PIGL: variants seen among roughly 807,000 people sequenced by gnomAD.
The protein encoded by PIGL is phosphatidylinositol glycan anchor biosynthesis class L.
Under a neutral mutation model 31.1 loss-of-function variants are expected in PIGL, and 22 were observed. The ratio of observed to expected loss-of-function variants is 0.71; its 90% confidence interval spans 0.51 to 1.01. The LOEUF (loss-of-function observed/expected upper bound fraction) is 1.01, where lower values mean the gene tolerates loss of function less well. Ranked by LOEUF, PIGL falls within the 50% of genes least tolerant of loss-of-function variation. The probability of loss-of-function intolerance (pLI) is 0.00; values close to 1 mark genes in which losing one functional copy is unlikely to be tolerated. For synonymous variants in PIGL, 131 were observed against 117.4 expected (o/e 1.12, Z -0.75); for missense variants, 302 against 315.9 (o/e 0.96, Z 0.33).
intron 2 of PIGL, among the ~76,000 whole-genome samples, chr17:16,287,515 A>G (rs2142808698): frequency 6.6e-6 from 1 of 152,322 alleles, no homozygotes; most frequent in East Asian, 1.9e-4. Flanking sequence ...TTCCTAGGGG[A>G]GCTGAGACTC....
chr17:16,287,831 G>A (rs976799307), intron 2 of PIGL, among the ~76,000 whole-genome samples: 1 of 152,130 alleles, frequency 6.6e-6, no homozygotes, highest in Non-Finnish European at 1.5e-5. Context: ...TTGCTCCCTG[G>A]TGCAGAGCAA....
intron 2 of PIGL, among the ~76,000 whole-genome samples, chr17:16,288,617 G>A (rs1181778787): frequency 4.6e-5 from 7 of 150,684 alleles, no homozygotes; most frequent in African/African-American, 1.5e-4. Flanking sequence ...TTGGCTCACC[G>A]CAACCTCTGC....
intron 2 of PIGL, among the ~76,000 whole-genome samples, chr17:16,276,751 A>C (rs2092897581): frequency 6.6e-6 from 1 of 152,184 alleles, no homozygotes; most frequent in African/African-American, 2.4e-5. Context: ...AAATAAAATA[A>C]AATAAAATGA....
chr17:16,295,101 G>T (rs1393706437), intron 2 of PIGL, among the ~76,000 whole-genome samples: 43 of 152,160 alleles, frequency 2.8e-4, no homozygotes. Context: ...TCCATCGGGG[G>T]ACTTATGATA....
At chr17:16,286,644 T>C (rs1203083793) in intron 2 of PIGL, among the ~76,000 whole-genome samples, 4 of 152,190 alleles carry the variant, frequency 2.6e-5, no homozygotes, top group Non-Finnish European at 5.9e-5. Flanking sequence ...TTTCCAGAGG[T>C]ATTAACACTG....
At chr17:16,286,402 C>A (rs1237638598) in intron 2 of PIGL, among the ~76,000 whole-genome samples, 1 of 152,136 alleles carries the variant, frequency 6.6e-6, no homozygotes, top group Non-Finnish European at 1.5e-5. Context: ...CTCACCAGCA[C>A]CTGGTGACTG....
At chr17:16,305,150 A>C (rs2093021370) in intron 3 of PIGL, among the ~76,000 whole-genome samples, 2 of 152,068 alleles carry the variant, frequency 1.3e-5, no homozygotes, top group Non-Finnish European at 2.9e-5. Context: ...GGTAGCATGC[A>C]CTTATAATCC....
intron 6 of PIGL, among the ~76,000 whole-genome samples, chr17:16,322,375 G>A (rs1196304603): frequency 1.3e-5 from 2 of 152,096 alleles, no homozygotes; most frequent in East Asian, 1.9e-4. Flanking sequence ...GATTACAGGC[G>A]GGAGTCACCG....
At chr17:16,242,699 C>G (rs1255131106) in intron 2 of PIGL, among the ~76,000 whole-genome samples, 2 of 113,382 alleles carry the variant, frequency 1.8e-5, no homozygotes, top group African/African-American at 6.8e-5. Flanking sequence ...GTAACACAAT[C>G]TCTGCCTCCT....
chr17:16,286,000 G>C (rs2092935768), intron 2 of PIGL, among the ~76,000 whole-genome samples: 1 of 152,218 alleles, frequency 6.6e-6, no homozygotes, highest in South Asian at 2.1e-4. Flanking sequence ...GGGCGATATT[G>C]GCAGTCCCAG....
At chr17:16,277,272 T>A (rs1279079742) in intron 2 of PIGL, among the ~76,000 whole-genome samples, 2 of 152,254 alleles carry the variant, frequency 1.3e-5, no homozygotes, top group Non-Finnish European at 2.9e-5. Flanking sequence ...TCCAATTGTG[T>A]TCTGATACAA....
intron 2 of PIGL, among the ~76,000 whole-genome samples, chr17:16,298,015 C>A (rs1187887653): frequency 1.3e-5 from 2 of 152,048 alleles, no homozygotes; most frequent in Non-Finnish European, 2.9e-5. Context: ...TTTTGAACTC[C>A]GCGTGCGAGG....
At chr17:16,289,249 G>A (rs1170888655) in intron 2 of PIGL, among the ~76,000 whole-genome samples, 1 of 152,200 alleles carries the variant, frequency 6.6e-6, no homozygotes, top group Admixed American at 6.5e-5. Context: ...AGCTGAGAGG[G>A]CCAGGTGAGA....
chr17:16,252,115 C>T (rs1435015409), intron 2 of PIGL, among the ~76,000 whole-genome samples: 3 of 145,158 alleles, frequency 2.1e-5, no homozygotes, highest in Non-Finnish European at 4.4e-5. Context: ...CGCTCTGTCG[C>T]CAGGCTGGAG....
At chr17:16,231,232 C>CTTTTTT (rs975246766) in intron 1 of PIGL, among the ~76,000 whole-genome samples, 4 of 126,508 alleles carry the variant, frequency 3.2e-5, no homozygotes, top group African/African-American at 5.8e-5. Flanking sequence ...ATTTTCTTTT[C>CTTTTTT]TTTTTTTTTT....
At chr17:16,325,747 T>A in intron 6 of PIGL, 53 bp from the exon 7 acceptor site, 1 of 1,350,386 alleles carries the variant, frequency 7.4e-7, no homozygotes, top group Non-Finnish European at 1.1e-6. Flanking sequence ...CTGAAAGTAA[T>A]GAAACAACTC....
intron 2 of PIGL, among the ~76,000 whole-genome samples, chr17:16,291,887 T>G (rs1169883081): frequency 6.7e-6 from 1 of 148,968 alleles, no homozygotes; most frequent in African/African-American, 2.5e-5. Flanking sequence ...AAAAAGAAAA[T>G]AGGGCTGAGG....
rs113169218 is a variant in PIGL at position 16,282,976 on chromosome 17, A to G, written c.336-16912A>G. 3.6e-3 allele frequency among the ~76,000 whole-genome samples: 553 copies of G among 151,844 alleles called. 3 individuals are homozygous for G. The highest frequency in any genetic ancestry group is 0.013 in the African/African-American group (526 of 41,474). ...GGAGTACAAGACCAGCCTGGGCAAC[A>G]TGGCGAGACCCCATGTCTACCAAAA... On this transcript the variant is annotated intron_variant, in intron 2 of 6. Coordinates refer to ENST00000225609, the MANE Select transcript of PIGL (RefSeq NM_004278.4).
intron 2 of PIGL, among the ~76,000 whole-genome samples, chr17:16,262,602 T>G (rs1265463316): frequency 1.3e-5 from 2 of 152,146 alleles, no homozygotes; most frequent in Non-Finnish European, 2.9e-5. Flanking sequence ...GAGGATTATT[T>G]GAGGCTAGTT....
Sources: allele counts gnomAD v4.1 joint callset (sites outside exome capture counted in the v4.1 genomes callset), GRCh38; gene constraint gnomAD v4.1.1; transcripts MANE v1.5; gene names NCBI Gene and HGNC (gene_info 2026-07-23, HGNC 2026-07-21).